Variants in MMS22L observed in about 807,000 individuals in gnomAD.
MMS22L encodes protein MMS22-like.
Under a neutral mutation model 159.1 loss-of-function variants are expected in MMS22L, and 74 were observed. The ratio of observed to expected loss-of-function variants is 0.47; its 90% CI spans 0.39 to 0.56. The LOEUF (loss-of-function observed/expected upper bound fraction) is 0.56. MMS22L is among the 20% of genes least tolerant of loss of function. MMS22L has a pLI of 0.00. For missense variants in MMS22L, 1,351 were observed against 1,422.1 expected (o/e 0.95, Z 0.80); for synonymous variants, 517 against 506.9 (o/e 1.02, Z -0.27).
At chr6:97,237,064 G>A (rs931215583) in intron 11 of MMS22L, among the ~76,000 whole-genome samples, 1 of 152,082 alleles carries the variant, frequency 6.6e-6, no homozygotes, top group African/African-American at 2.4e-5. Flanking sequence ...AAGAAACAAA[G>A]TGAGGAAATG....
At chr6:97,161,492 C>T (rs901985387) in intron 22 of MMS22L, among the ~76,000 whole-genome samples, 3 of 151,946 alleles carry the variant, frequency 2.0e-5, no homozygotes, top group African/African-American at 4.8e-5. Context: ...AGGTGTGAGC[C>T]ATTATGCCAG....
intron 15 of MMS22L, among the ~76,000 whole-genome samples, chr6:97,183,221 C>T (rs1185008671): frequency 6.6e-6 from 1 of 152,170 alleles, no homozygotes; most frequent in Non-Finnish European, 1.5e-5. Context: ...ACTGATCCTA[C>T]AACCATTTCC....
chr6:97,271,759 C>T (rs951325563), intron 6 of MMS22L: 16 of 152,162 alleles, frequency 1.1e-4, no homozygotes, highest in African/African-American at 3.9e-4. Flanking sequence ...ACAGCCTCAA[C>T]CTCCTGAGTT....
chr6:97,278,897 G>C lies in MMS22L; in HGVS notation c.292C>G (p.Gln98Glu). The C allele has an allele frequency of 1.2e-6, 2 of 1,612,364 alleles. No individual in the cohort carries two copies. Among genetic ancestry groups the C allele is most frequent in the Middle Eastern group, 1.7e-4 (1 of 6,054 alleles). Residue 98 changes from glutamine (Q) to glutamate (E), a missense_variant and splice_region_variant, in exon 4 of 25, where the codon CAA (glutamine) becomes GAA (glutamate). Coordinates refer to ENST00000683635, the MANE Select transcript of MMS22L (RefSeq NM_001350599.2). Reference sequence around the variant, plus strand: ...AAGGTTTCCAAGTTGTACAGTTGTTGCCTAATTTTAAAAATGTAAGGTGAG... The same window carrying C: ...AAGGTTTCCAAGTTGTACAGTTGTTCCCTAATTTTAAAAATGTAAGGTGAG... The part of the protein sequence containing the change: ...SSRELFHLFR[Q>E]QLYNLETLLQ...
intron 9 of MMS22L, chr6:97,261,702 T>C (rs1814501643): frequency 6.6e-6 from 1 of 152,284 alleles, no homozygotes; most frequent in Non-Finnish European, 1.5e-5. Flanking sequence ...GAGTCAACAG[T>C]AGATATATTT....
chr6:97,236,601 T>C (rs1811438515), intron 11 of MMS22L, among the ~76,000 whole-genome samples: 1 of 152,164 alleles, frequency 6.6e-6, no homozygotes, highest in Admixed American at 6.5e-5. Flanking sequence ...CCAAATGTAA[T>C]ATGCCTAAAT....
intron 9 of MMS22L, among the ~76,000 whole-genome samples, chr6:97,258,189 C>T (rs1005401475): frequency 6.6e-6 from 1 of 152,158 alleles, no homozygotes. Flanking sequence ...ACCTAAAATT[C>T]TTTACCTATT....
intron 21 of MMS22L, among the ~76,000 whole-genome samples, chr6:97,164,212 C>T (rs896118275): frequency 7.9e-5 from 12 of 151,656 alleles, no homozygotes; most frequent in African/African-American, 2.9e-4. Flanking sequence ...GAAGATAAAG[C>T]TTCCAAACCT....
chr6:97,231,709 T>C (rs1810894067), intron 12 of MMS22L, 57 bp from the exon 13 acceptor site: 33 of 1,276,528 alleles, frequency 2.6e-5, no homozygotes, highest in Non-Finnish European at 3.5e-5. Context: ...GTAAATAAAA[T>C]GGTAAGCTGC....
At chr6:97,224,554 A>T (rs1158160207) in intron 14 of MMS22L, among the ~76,000 whole-genome samples, 1 of 150,860 alleles carries the variant, frequency 6.6e-6, no homozygotes, top group African/African-American at 2.4e-5. Context: ...TTTCCAACTG[A>T]CTCATTTAAA....
intron 16 of MMS22L, 42 bp from the exon 17 acceptor site, chr6:97,179,601 T>C: frequency 6.4e-7 from 1 of 1,556,548 alleles, no homozygotes; most frequent in Non-Finnish European, 8.7e-7. Flanking sequence ...ACAAAAACGT[T>C]TCCTGAGTAT....
In MMS22L at chr6:97,178,521, C is replaced by T. The variant is rs1010471667; in HGVS notation, c.2601G>A (p.Lys867=). The part of the protein sequence containing the change: ...TRLLFNLSEV[K]SIFSKAQVEY... ...CAACTTGGGCCTTTGAGAAAATACTCTTTACTTCTGAGAGATTAAATAGTA... is the reference window on the plus strand; with the variant it reads ...CAACTTGGGCCTTTGAGAAAATACTTTTTACTTCTGAGAGATTAAATAGTA... Residue 867 remains lysine (K), a synonymous_variant, in exon 18 of 25, where the codon AAG becomes AAA. Transcript: ENST00000683635. 30 of 1,583,386 alleles carry T rather than the reference C, an allele frequency of 1.9e-5. No individual in the cohort carries two copies. Among genetic ancestry groups the T allele is most frequent in the Non-Finnish European group, 2.4e-5 (28 of 1,157,690 alleles).
chr6:97,189,159 T>C (rs112281441), intron 14 of MMS22L, among the ~76,000 whole-genome samples: 1 of 150,870 alleles, frequency 6.6e-6, no homozygotes, highest in Non-Finnish European at 1.5e-5. Context: ...GGCCAACAAA[T>C]GTGAACCACC....
At chr6:97,165,164 A>C in intron 21 of MMS22L, 82 bp downstream of exon 21, 2 of 1,235,028 alleles carry the variant, frequency 1.6e-6, no homozygotes, top group Non-Finnish European at 2.3e-6. Context: ...AAGGGTTGCC[A>C]ATATGTTTGA....
In MMS22L at chr6:97,231,549, T is replaced by C; in HGVS notation, c.1406A>G (p.Lys469Arg). 6.2e-7 allele frequency: 1 copy of C among 1,613,876 alleles called. No individual in the cohort carries two copies. Among genetic ancestry groups the C allele is most frequent in the South Asian group, 1.1e-5 (1 of 91,074 alleles). ...GGATTTATATAGTTCCTGATCTTGT[T>C]TATCGCAACAGCAAGTCTTCACCAT... ...LEMVKTCCCD[K>R]QDQELYKSSS... The change falls in exon 13 of 25, where the codon AAA (lysine) becomes AGA (arginine). Residue 469 changes from lysine (K) to arginine (R), a missense_variant. Transcript: ENST00000683635.
Position 97,240,949 on chromosome 6 carries a change from A to T in MMS22L, c.1182+5679T>A. Among the ~76,000 whole-genome samples, 2 of 152,084 alleles carry T rather than the reference A, an allele frequency of 1.3e-5. 1 individual carries two copies. Among genetic ancestry groups the T allele is most frequent in the Non-Finnish European group, 2.9e-5 (2 of 67,998 alleles). On this transcript the variant is annotated intron_variant, in intron 11 of 24. Transcript: ENST00000683635. ...GCCTGTACCCTAAGTATAGTCTTTT[A>T]TCCCTCACCCTACTCCCACCATTCC...
chr6:97,192,882 C>T (rs1260825742), intron 14 of MMS22L, among the ~76,000 whole-genome samples: 3 of 152,088 alleles, frequency 2.0e-5, no homozygotes, highest in African/African-American at 7.2e-5. Flanking sequence ...AATCTCAGTA[C>T]AGAAAGGATA....
intron 9 of MMS22L, chr6:97,259,936 T>C (rs1460989666): frequency 6.6e-6 from 1 of 152,214 alleles, no homozygotes; most frequent in African/African-American, 2.4e-5. Flanking sequence ...GTGGGATTGC[T>C]AGGGTCAAAG....
At chr6:97,172,977 T>C (rs1194289846) in intron 19 of MMS22L, 86 bp downstream of exon 19, 27 of 1,305,524 alleles carry the variant, frequency 2.1e-5, no homozygotes, top group Non-Finnish European at 2.7e-5. Flanking sequence ...AGGGTAGTGA[T>C]TTAGCCAATA....
Sources: gnomAD v4.1 joint callset for allele counts (sites outside exome capture counted in the v4.1 genomes callset) on GRCh38, gnomAD v4.1.1 for gene constraint, MANE v1.5 for transcripts, NCBI Gene and HGNC (gene_info 2026-07-23, HGNC 2026-07-21) for gene names.